Variants in CA1 observed in about 807,000 individuals in gnomAD.
CA1 encodes carbonic anhydrase 1, also known as carbonate dehydratase I.
Under a neutral mutation model 28.8 loss-of-function variants are expected in CA1, and 27 were observed. The observed-to-expected ratio is 0.94, with a 90% CI of 0.69 to 1.29. CA1 has a LOEUF of 1.29. CA1 is among the 50% of genes most tolerant of loss of function. The pLI, the probability that CA1 is intolerant of heterozygous loss-of-function variation, is 0.00. For synonymous variants in CA1, 121 were observed against 108.8 expected (o/e 1.11, Z -0.70); for missense variants, 335 against 310.5 (o/e 1.08, Z -0.59).
chr8:85,358,271 T>C (rs1585953002), intron 1 of CA1, among the ~76,000 whole-genome samples: 1 of 152,300 alleles, frequency 6.6e-6, no homozygotes, highest in Middle Eastern at 3.4e-3. Context: ...TCACCAGCTT[T>C]TAGATGGAGT....
chr8:85,344,218 TATTATA>T (rs1809055907), intron 1 of CA1, among the ~76,000 whole-genome samples: 2 of 65,800 alleles, frequency 3.0e-5, no homozygotes, highest in Non-Finnish European at 5.4e-5. Context: ...AATATAATTA[TATTATA>T]TACAGTATAT....
intron 4 of CA1, among the ~76,000 whole-genome samples, chr8:85,335,993 T>C (rs1220475927): frequency 2.0e-5 from 3 of 152,182 alleles, no homozygotes; most frequent in African/African-American, 4.8e-5. Context: ...GCACAAGATA[T>C]ATGTACAGAT....
intron 1 of CA1, chr8:85,351,625 A>G (rs1189692486): frequency 2.0e-5 from 3 of 152,130 alleles, no homozygotes; most frequent in African/African-American, 7.2e-5. Context: ...ATCCTAGATC[A>G]CCCATTTTTC....
At chr8:85,349,473 A>G (rs146920639) in intron 1 of CA1, among the ~76,000 whole-genome samples, 3 of 152,346 alleles carry the variant, frequency 2.0e-5, no homozygotes, top group South Asian at 4.1e-4. Flanking sequence ...TATTATCACA[A>G]AAGAGTTTAG....
rs192955561 is a variant in CA1 at position 85,362,493 on chromosome 8, C to T, written c.-25+15553G>A. ...GGTGGCTGGGGTATTGAGGAGGAAACAGGCCAAACTGGAAATAAAAGATGA... is the reference window on the plus strand; with the variant it reads ...GGTGGCTGGGGTATTGAGGAGGAAATAGGCCAAACTGGAAATAAAAGATGA... On this transcript the variant is annotated intron_variant, in intron 1 of 7. Transcript: ENST00000523022. 9.7e-4 allele frequency among the ~76,000 whole-genome samples: 147 copies of T among 152,156 alleles called. 1 individual carries two copies. Among genetic ancestry groups the T allele is most frequent in the Non-Finnish European group, 1.2e-3 (83 of 68,002 alleles).
At chr8:85,339,481 G>T (rs1808825102) in intron 2 of CA1, among the ~76,000 whole-genome samples, 1 of 152,094 alleles carries the variant, frequency 6.6e-6, no homozygotes, top group Non-Finnish European at 1.5e-5. Context: ...CTCCCTCTCT[G>T]TAAGTCTGCC....
At chr8:85,334,813 A>G (rs1347277794) in intron 4 of CA1, among the ~76,000 whole-genome samples, 1 of 152,082 alleles carries the variant, frequency 6.6e-6, no homozygotes. Context: ...CAACGTGGTA[A>G]AACTCCATCT....
At chr8:85,343,918 C>T (rs1437761835) in intron 1 of CA1, among the ~76,000 whole-genome samples, 2 of 151,318 alleles carry the variant, frequency 1.3e-5, no homozygotes, top group African/African-American at 4.9e-5. Flanking sequence ...AATTTTGCTT[C>T]TCTCAGCTGA....
At chr8:85,350,275 C>T (rs987430705) in intron 1 of CA1, among the ~76,000 whole-genome samples, 1 of 152,162 alleles carries the variant, frequency 6.6e-6, no homozygotes, top group South Asian at 2.1e-4. Flanking sequence ...GAGTGCAGGG[C>T]AGCTTCTCCT....
intron 5 of CA1, 80 bp from the exon 6 acceptor site, chr8:85,332,632 T>C (rs1283169310): frequency 2.0e-6 from 2 of 1,015,852 alleles, no homozygotes; most frequent in Non-Finnish European, 3.1e-6. Context: ...GAATTTTTTT[T>C]CAATTAACAA....
chr8:85,331,808 A>G (rs1808418405), intron 6 of CA1, among the ~76,000 whole-genome samples: 1 of 151,702 alleles, frequency 6.6e-6, no homozygotes. Flanking sequence ...TTCACTAATT[A>G]TTTCCTTATA....
intron 4 of CA1, among the ~76,000 whole-genome samples, chr8:85,334,519 C>G (rs973451155): frequency 2.0e-5 from 3 of 151,990 alleles, no homozygotes; most frequent in Admixed American, 1.3e-4. Context: ...ATAAAGTAAC[C>G]ACCACAAATC....
In CA1 at chr8:85,329,842, G is replaced by T; in HGVS notation, c.516C>A (p.Gly172=). 6.3e-7 allele frequency: 1 copy of T among 1,583,616 alleles called. No homozygotes were observed. The highest frequency in any genetic ancestry group is 8.6e-7 in the Non-Finnish European group (1 of 1,161,922). ...LDALQAIKTK[G]KRAPFTNFDP... The stretch of plus-strand genomic sequence containing the variant: ...CAAAATTTGTGAATGGGGCTCGTTT[G>T]CCCTGGAAGAAAAGAATACATCATT... The change falls in exon 7 of 8, where the codon GGC becomes GGA. Residue 172 remains glycine, a splice_region_variant and synonymous_variant. Coordinates refer to ENST00000523022, the MANE Select transcript of CA1 (RefSeq NM_001128831.4).
In CA1 at chr8:85,360,709, A is replaced by C. The variant is rs556204956; in HGVS notation, c.-25+17337T>G. 2.0e-5 allele frequency among the ~76,000 whole-genome samples: 3 copies of C among 152,274 alleles called. No homozygotes were observed. The East Asian group carries it at 5.8e-4, about 29-fold the overall frequency. On this transcript the variant is annotated intron_variant, in intron 1 of 7. Transcript: ENST00000523022. Reference sequence around the variant, plus strand: ...CTCTAAATAAATAAATATATAAATAAACAATTAAAAATGATACAAGCATAA... The same window carrying C: ...CTCTAAATAAATAAATATATAAATACACAATTAAAAATGATACAAGCATAA...
At chr8:85,344,228 A>T (rs13273635) in intron 1 of CA1, among the ~76,000 whole-genome samples, 54,666 of 80,040 alleles carry the variant, frequency 0.68, 18,450 homozygotes, top group Non-Finnish European at 0.74. Flanking sequence ...TATTATATAC[A>T]GTATATAATA....
chr8:85,368,092 A>G (rs1405746615), intron 1 of CA1, among the ~76,000 whole-genome samples: 1 of 151,944 alleles, frequency 6.6e-6, no homozygotes, highest in East Asian at 1.9e-4. Flanking sequence ...ATATTGAAAG[A>G]AGAGAGGACA....
intron 6 of CA1, 55 bp from the exon 7 acceptor site, chr8:85,329,899 A>AAGTATTT: frequency 7.6e-7 from 1 of 1,311,194 alleles, no homozygotes; most frequent in Non-Finnish European, 1.1e-6. Flanking sequence ...ATATGAATAT[A>AAGTATTT]TGTGACATAT....
chr8:85,371,729 G>A (rs978368397), intron 1 of CA1, among the ~76,000 whole-genome samples: 2 of 152,096 alleles, frequency 1.3e-5, no homozygotes, highest in African/African-American at 4.8e-5. Flanking sequence ...TAGAGAATGA[G>A]AACAGTAAAG....
chr8:85,359,281 C>T (rs1350622660), intron 1 of CA1, among the ~76,000 whole-genome samples: 2 of 152,144 alleles, frequency 1.3e-5, no homozygotes, highest in Non-Finnish European at 2.9e-5. Flanking sequence ...AAGGCCGTAA[C>T]TGGAAGGCCA....
Sources: allele counts gnomAD v4.1 joint callset (sites outside exome capture counted in the v4.1 genomes callset), GRCh38; gene constraint gnomAD v4.1.1; transcripts MANE v1.5; gene names NCBI Gene and HGNC (gene_info 2026-07-23, HGNC 2026-07-21).